Variants in DISP1 observed in about 807,000 individuals in gnomAD.
The protein encoded by DISP1 is dispatched RND transporter family member 1.
Under a neutral mutation model 37.3 loss-of-function variants are expected in DISP1, and 30 were observed. That is an observed-to-expected ratio of 0.80 (90% CI 0.60 to 1.09). The LOEUF is 1.09. DISP1 is among the 50% of genes least tolerant of loss of function. The probability of loss-of-function intolerance (pLI) is 0.00; values close to 1 mark genes in which losing one functional copy is unlikely to be tolerated. For missense variants in DISP1, 1,598 were observed against 1,879.5 expected (o/e 0.85, Z 2.77); for synonymous variants, 634 against 690.2 (o/e 0.92, Z 1.28).
intron 1 of DISP1, among the ~76,000 whole-genome samples, chr1:222,844,278 C>T (rs575445873): frequency 2.6e-5 from 4 of 152,126 alleles, no homozygotes; most frequent in East Asian, 1.9e-4. Flanking sequence ...GGCTTGTGTA[C>T]GGAGTGAAAG....
chr1:222,945,300 TAGA>T (rs1558347371), intron 3 of DISP1, among the ~76,000 whole-genome samples: 1 of 152,214 alleles, frequency 6.6e-6, no homozygotes, highest in Non-Finnish European at 1.5e-5. Flanking sequence ...AGCCATTTCT[TAGA>T]AGATTTGTCC....
intron 1 of DISP1, among the ~76,000 whole-genome samples, chr1:222,888,710 C>T (rs781150253): frequency 1.5e-4 from 23 of 152,096 alleles, no homozygotes; most frequent in Middle Eastern, 6.8e-3. Flanking sequence ...GTAACCAAAT[C>T]GTCTTAAACA....
chr1:222,816,728 G>A (rs1661330367), intron 1 of DISP1, among the ~76,000 whole-genome samples: 1 of 152,106 alleles, frequency 6.6e-6, no homozygotes, highest in Non-Finnish European at 1.5e-5. Context: ...TGTAAAGCAA[G>A]GCCTAAACAT....
At chr1:222,853,207 G>T (rs1187288431) in intron 1 of DISP1, among the ~76,000 whole-genome samples, 1 of 152,156 alleles carries the variant, frequency 6.6e-6, no homozygotes, top group Non-Finnish European at 1.5e-5. Context: ...CGTTGGAGGT[G>T]TCATCCCACC....
chr1:222,940,956 C>G (rs1674336518), intron 2 of DISP1, among the ~76,000 whole-genome samples: 1 of 152,132 alleles, frequency 6.6e-6, no homozygotes, highest in Non-Finnish European at 1.5e-5. Context: ...TTTCAATTAG[C>G]TTTTTTAAAA....
At chr1:222,886,745 C>G (rs1257037845) in intron 1 of DISP1, among the ~76,000 whole-genome samples, 1 of 152,138 alleles carries the variant, frequency 6.6e-6, no homozygotes, top group Non-Finnish European at 1.5e-5. Context: ...TTACATAGGG[C>G]CAATGAGTTG....
intron 1 of DISP1, among the ~76,000 whole-genome samples, chr1:222,882,614 A>T (rs1273252683): frequency 6.6e-6 from 1 of 152,148 alleles, no homozygotes; most frequent in Non-Finnish European, 1.5e-5. Flanking sequence ...TATTCTCTGT[A>T]TGTTTCCTTT....
chr1:222,988,107 T>C (rs1678406608), intron 4 of DISP1, among the ~76,000 whole-genome samples: 1 of 152,222 alleles, frequency 6.6e-6, no homozygotes, highest in Non-Finnish European at 1.5e-5. Context: ...CACTTAAATG[T>C]TTTTATTATT....
rs1162200305 is a variant in DISP1, at chr1:222,991,735, A to G, written c.791+88A>G. ...AAATACTGCCTAAACAAAAAATTTA[A>G]ATGTAAAATGTGTGGCTCAAAATCT... On this transcript the variant is annotated intron_variant, in intron 6 of 8. Transcript: ENST00000675850. 1.0e-5 allele frequency: 14 copies of G among 1,400,888 alleles called. No individual in the cohort carries two copies. In the Admixed American group the frequency reaches 2.9e-4, roughly 29 times the overall value. 86.8% of individuals were successfully genotyped at this position (1,400,888 alleles called of 1,614,324 possible).
At chr1:222,907,467 G>A (rs1671963365) in intron 1 of DISP1, among the ~76,000 whole-genome samples, 1 of 152,176 alleles carries the variant, frequency 6.6e-6, no homozygotes, top group South Asian at 2.1e-4. Context: ...CCGGTGAGGA[G>A]TGGGGAGGAG....
At chr1:222,935,395 G>A (rs144999053) in intron 2 of DISP1, among the ~76,000 whole-genome samples, 2 of 152,292 alleles carry the variant, frequency 1.3e-5, no homozygotes, top group Non-Finnish European at 2.9e-5. Context: ...ACAGAATACA[G>A]TTTATCAGAA....
intron 5 of DISP1, 116 bp downstream of exon 5, chr1:222,990,864 C>G: frequency 2.2e-6 from 3 of 1,375,980 alleles, no homozygotes; most frequent in Non-Finnish European, 3.1e-6. Context: ...TCTCAAGCAA[C>G]AATTCTCTTT....
chr1:222,918,220 C>G (rs1173171338), intron 1 of DISP1, among the ~76,000 whole-genome samples: 2 of 152,160 alleles, frequency 1.3e-5, no homozygotes, highest in Non-Finnish European at 2.9e-5. Flanking sequence ...TTCCCTCTCC[C>G]CAGGAACACC....
rs1662031001 is a variant in DISP1, at chr1:222,819,056, T to C, written c.-159+3978T>C. ...GTGGTAGGTGATTGGATCATGGAGGTGGTTTCTAATGGTTTAGCACCATCC... is the reference window on the plus strand; with the variant it reads ...GTGGTAGGTGATTGGATCATGGAGGCGGTTTCTAATGGTTTAGCACCATCC... On this transcript the variant is annotated intron_variant, in intron 1 of 8. Transcript: ENST00000675850. Among the ~76,000 whole-genome samples, 3 of 152,122 alleles carry C rather than the reference T, an allele frequency of 2.0e-5. No individual in the cohort carries two copies. The South Asian group carries it at 6.2e-4, about 31-fold the overall frequency.
At position 222,887,654 on chromosome 1, in the gene DISP1, G is replaced by A. The variant is rs1050833917; in HGVS notation, c.-158-40776G>A. On this transcript the variant is annotated intron_variant, in intron 1 of 8. Coordinates refer to ENST00000675850, the MANE Select transcript of DISP1 (RefSeq NM_001377229.1). ...GCTGGGACTACAGGCGCCCGCCACC[G>A]CGCCCGGCTAATTTTTTGTATTTTT... Among the ~76,000 whole-genome samples the A allele has an allele frequency of 1.2e-4, 16 of 137,824 alleles. 5 individuals carry two copies. The highest frequency in any genetic ancestry group is 2.1e-4 in the African/African-American group (8 of 37,520). 90.4% of individuals were successfully genotyped at this position (137,824 alleles called of 152,430 possible).
intron 1 of DISP1, among the ~76,000 whole-genome samples, chr1:222,881,720 A>T (rs1286573428): frequency 6.6e-6 from 1 of 152,164 alleles, no homozygotes; most frequent in Non-Finnish European, 1.5e-5. Context: ...TAATATTTTC[A>T]GTTGTTTCAG....
rs143043410 is a variant in DISP1 at position 223,004,792 on chromosome 1, G to A, written c.3395G>A (p.Arg1132Gln). Residue 1132 changes from arginine (R) to glutamine (Q), a missense_variant, in exon 9 of 9, where the codon CGG (arginine) becomes CAG (glutamine). Transcript: ENST00000675850. The surrounding 1 kb of genome is among the most constrained non-coding windows in gnomAD (Gnocchi z 4.9). ...ACCTTCTTTTTCCAGTGCATGTGCC[G>A]GTGCCTTGGACCACAGGGTACCTGT... ...FATFFFQCMC[R>Q]CLGPQGTCGQ... is the part of the protein sequence containing the mutation. 2.9e-4 allele frequency: 463 copies of A among 1,612,556 alleles called. 2 individuals are homozygous for A. In the African/African-American group the frequency reaches 5.5e-3, roughly 19 times the overall value.
chr1:222,914,018 T>C (rs573736102), intron 1 of DISP1, among the ~76,000 whole-genome samples: 2 of 150,512 alleles, frequency 1.3e-5, no homozygotes, highest in Non-Finnish European at 3.0e-5. Context: ...TTTTTTTTTT[T>C]AACCCAAGCT....
At chr1:222,963,060 A>G (rs1219668960) in intron 3 of DISP1, among the ~76,000 whole-genome samples, 1 of 152,208 alleles carries the variant, frequency 6.6e-6, no homozygotes, top group Non-Finnish European at 1.5e-5. Context: ...CAGAATCTAC[A>G]AGGAACTTAA....
Sources: gnomAD v4.1 joint callset for allele counts (sites outside exome capture counted in the v4.1 genomes callset) on GRCh38, gnomAD v4.1.1 for gene constraint, Gnocchi (gnomAD v3.1) non-coding constraint, MANE v1.5 for transcripts, NCBI Gene and HGNC (gene_info 2026-07-23, HGNC 2026-07-21) for gene names.